The following CDC25C variants were observed in gnomAD, a reference collection of about 807,000 sequenced individuals.
The protein encoded by CDC25C is cell division cycle 25C.
CDC25C carries 48 observed loss-of-function variants against 52.5 expected under a neutral mutation model. That is an observed-to-expected ratio of 0.91 (90% CI 0.72 to 1.16). The LOEUF (loss-of-function observed/expected upper bound fraction) is 1.16. Among genes scored for constraint, CDC25C ranks in the 50% most tolerant of loss-of-function variants. The pLI, the probability that CDC25C is intolerant of heterozygous loss-of-function variation, is 0.00. For missense variants in CDC25C, 510 were observed against 566.1 expected, an observed-to-expected ratio of 0.90 and a Z score of 1.01; for synonymous variants, 187 against 206.5, an observed-to-expected ratio of 0.91 and a Z score of 0.81.
At chr5:138,326,504 G>A (rs1759869984) in intron 4 of CDC25C, among the ~76,000 whole-genome samples, 1 of 151,894 alleles carries the variant, frequency 6.6e-6, no homozygotes. Context: ...ACCACATTCA[G>A]CTAATTTTTT....
chr5:138,330,991 A>T lies in CDC25C; in HGVS notation c.190T>A (p.Ser64Thr). The part of the protein sequence containing the change: ...LGDSANLSIL[S>T]GGTPKRCLDL... ...TAAAAATAAAAGTATATTTACCCAGACAAAATGCTTAGGTTTGCAGAATCA... is the reference window on the plus strand; with the variant it reads ...TAAAAATAAAAGTATATTTACCCAGTCAAAATGCTTAGGTTTGCAGAATCA... Residue 64 changes from serine to threonine, a missense_variant, in exon 2 of 14, where the codon TCT (serine) becomes ACT (threonine). By Grantham distance (58) the Ser-to-Thr change is moderately conservative. Coordinates refer to ENST00000323760, the MANE Select transcript of CDC25C (RefSeq NM_001790.5). The T allele has an allele frequency of 4.4e-6, 7 of 1,603,716 alleles. No individual in the cohort carries two copies. Among genetic ancestry groups the T allele is most frequent in the Non-Finnish European group, 6.0e-6 (7 of 1,170,568 alleles).
rs1759837814 is a variant in CDC25C, at chr5:138,326,145, T to G, written c.336-91A>C. On this transcript the variant is annotated intron_variant, in intron 4 of 13. Coordinates refer to ENST00000323760, the MANE Select transcript of CDC25C (RefSeq NM_001790.5). ...TTGGTGCATCCCAACATTTTTCTAT[T>G]TCATTCTAGGAGCCCTATTCCTAGT... 5.2e-6 allele frequency: 7 copies of G among 1,348,686 alleles called. No individual in the cohort carries two copies. In the Admixed American group the frequency reaches 1.2e-4, roughly 23 times the overall value. 83.5% of individuals were successfully genotyped at this position (1,348,686 alleles called of 1,614,324 possible). A position where few individuals can be genotyped will look rare whatever the true frequency, so the allele number is the denominator to read the frequency against.
At chr5:138,292,333 G>A (rs1186881397) in intron 7 of CDC25C, among the ~76,000 whole-genome samples, 2 of 151,962 alleles carry the variant, frequency 1.3e-5, no homozygotes, top group Admixed American at 6.6e-5. Context: ...TCATAGGCCC[G>A]TTAATATCTT....
intron 7 of CDC25C, among the ~76,000 whole-genome samples, chr5:138,310,414 C>T (rs1333787914): frequency 1.3e-5 from 2 of 152,146 alleles, no homozygotes; most frequent in African/African-American, 2.4e-5. Context: ...TTAAGACTCT[C>T]GCCTCGCACT....
intron 7 of CDC25C, among the ~76,000 whole-genome samples, chr5:138,316,011 C>A (rs1758840173): frequency 6.6e-6 from 1 of 152,242 alleles, no homozygotes; most frequent in African/African-American, 2.4e-5. Context: ...ACGGAGCAGG[C>A]AGAAGCCCTG....
In CDC25C at chr5:138,297,190, C is replaced by T. The variant is rs954249768; in HGVS notation, c.616-5074G>A. Among the ~76,000 whole-genome samples, 7 of 151,972 alleles carry T rather than the reference C, an allele frequency of 4.6e-5. No homozygotes were observed. In the East Asian group the frequency reaches 5.8e-4, roughly 13 times the overall value. On this transcript the variant is annotated intron_variant, in intron 7 of 13. Coordinates refer to ENST00000323760, the MANE Select transcript of CDC25C (RefSeq NM_001790.5). ...CCTGCCAAAGTGCTGGGATTACAGG[C>T]GTGAGCCACCGCGCCTGGCCATTAT...
intron 7 of CDC25C, among the ~76,000 whole-genome samples, chr5:138,304,331 C>CT (rs558050918): frequency 0.017 from 1,709 of 100,874 alleles, 42 homozygotes; most frequent in African/African-American, 0.04. Context: ...CCATGCCTGG[C>CT]TTTTTTTTTT....
At chr5:138,299,950 A>G (rs1757511784) in intron 7 of CDC25C, among the ~76,000 whole-genome samples, 1 of 152,206 alleles carries the variant, frequency 6.6e-6, no homozygotes, top group Admixed American at 6.6e-5. Context: ...TTACAGAAAT[A>G]AAAAGGATCA....
At position 138,338,236 on chromosome 5, in the gene CDC25C, T is replaced by G. The variant is rs908988049; in HGVS notation, c.-268A>C. On this transcript the variant is annotated 5_prime_UTR_variant, in exon 1 of 6. Transcript: ENST00000510119. Reference sequence around the variant, plus strand: ...CTCGTTGGTTCGCGCCAGCGCCTTTTAAGGGCACCGTGGGGCGAACCGAGC... The same window carrying G: ...CTCGTTGGTTCGCGCCAGCGCCTTTGAAGGGCACCGTGGGGCGAACCGAGC... The G allele has an allele frequency of 1.1e-5, 13 of 1,214,046 alleles. No homozygotes were observed. In the Admixed American group the frequency reaches 2.5e-4, roughly 24 times the overall value. 75.2% of individuals were successfully genotyped at this position (1,214,046 alleles called of 1,614,324 possible).
Position 138,326,096 on chromosome 5 carries a change from A to G in CDC25C, c.336-42T>C, listed in dbSNP as rs549121558. 43 of 1,607,136 alleles carry G rather than the reference A, an allele frequency of 2.7e-5. 1 individual carries two copies. In the South Asian group the frequency reaches 4.2e-4, roughly 16 times the overall value. ...ACTGCCTGTCAGGTTAGTCCCAAAT[A>G]CTGTTTGATTATTCTTCAGTGGATT... On this transcript the variant is annotated intron_variant, in intron 4 of 13. Transcript: ENST00000323760.
intron 4 of CDC25C, among the ~76,000 whole-genome samples, chr5:138,326,828 T>G (rs1580814732): frequency 6.6e-6 from 1 of 151,654 alleles, no homozygotes; most frequent in East Asian, 2.0e-4. Context: ...GGCGCATGCC[T>G]GTAATCCCAG....
At chr5:138,304,062 CAT>C (rs1236111601) in intron 7 of CDC25C, among the ~76,000 whole-genome samples, 2 of 152,220 alleles carry the variant, frequency 1.3e-5, no homozygotes, top group African/African-American at 4.8e-5. Context: ...CTTCAAACTG[CAT>C]ATGACTAAAG....
rs374571255 is a variant in CDC25C, at chr5:138,286,003, C to T, written c.1272+19G>A. The T allele has an allele frequency of 8.2e-6, 13 of 1,592,408 alleles. No homozygotes were observed. The highest frequency in any genetic ancestry group is 1.1e-5 in the South Asian group (1 of 90,200). On this transcript the variant is annotated intron_variant, in intron 13 of 13. Transcript: ENST00000323760. ...GTTGAGTTGTTAAAGTTTGGCTCCC[C>T]GCATGCCCCACCCTTTACCATATAT...
intron 8 of CDC25C, 106 bp downstream of exon 8, chr5:138,291,864 T>C (rs746389185): frequency 8.5e-6 from 7 of 824,916 alleles, no homozygotes; most frequent in Non-Finnish European, 1.3e-5. Context: ...AAAGTAAAAG[T>C]AAAGAGGAAG....
At chr5:138,300,579 T>TA (rs1225040563) in intron 7 of CDC25C, among the ~76,000 whole-genome samples, 1 of 151,702 alleles carries the variant, frequency 6.6e-6, no homozygotes, top group Non-Finnish European at 1.5e-5. Flanking sequence ...AAAAAATTGA[T>TA]AGATTAATAG....
At chr5:138,312,990 G>A (rs13361619) in intron 7 of CDC25C, among the ~76,000 whole-genome samples, 45,704 of 151,826 alleles carry the variant, frequency 0.3, 7,716 homozygotes, top group South Asian at 0.45. Context: ...GAGGTACCTA[G>A]AGCAAACTCA....
intron 7 of CDC25C, among the ~76,000 whole-genome samples, chr5:138,297,407 T>C (rs181125181): frequency 3.6e-4 from 55 of 152,260 alleles, no homozygotes; most frequent in African/African-American, 1.3e-3. Context: ...AGAAGAACTA[T>C]GATGCTTCTA....
chr5:138,286,750 C>T (rs574676000), intron 11 of CDC25C, 120 bp from the exon 12 acceptor site: 3 of 856,392 alleles, frequency 3.5e-6, no homozygotes, highest in African/African-American at 3.4e-5. Context: ...ACTATAAGCA[C>T]CTTTAGGGCA....
chr5:138,303,622 C>T (rs904549935), intron 7 of CDC25C, among the ~76,000 whole-genome samples: 2 of 152,174 alleles, frequency 1.3e-5, no homozygotes, highest in African/African-American at 2.4e-5. Flanking sequence ...TTGGCTTCCT[C>T]GCTCTTTCAG....
Sources: allele counts gnomAD v4.1 joint callset (sites outside exome capture counted in the v4.1 genomes callset), GRCh38; gene constraint gnomAD v4.1.1; transcripts MANE v1.5; gene names NCBI Gene and HGNC (gene_info 2026-07-23, HGNC 2026-07-21).